Variants in CYP4B1 observed in about 807,000 individuals in gnomAD.
CYP4B1 encodes cytochrome P450 family 4 subfamily B member 1.
A neutral mutation model predicts 54.0 loss-of-function variants in CYP4B1; 45 were observed. That is an observed-to-expected ratio of 0.83 (90% CI 0.66 to 1.07). The LOEUF (loss-of-function observed/expected upper bound fraction) is 1.07. Ranked by LOEUF, CYP4B1 falls within the 50% of genes least tolerant of loss-of-function variation. The pLI, the probability that CYP4B1 is intolerant of heterozygous loss-of-function variation, is 0.00. For synonymous variants in CYP4B1, 248 were observed against 247.5 expected (o/e 1.00, Z -0.02); for missense variants, 656 against 655.4 (o/e 1.00, Z -0.01).
intron 1 of CYP4B1, among the ~76,000 whole-genome samples, chr1:46,806,063 C>G (rs990950376): frequency 6.6e-6 from 1 of 152,214 alleles, no homozygotes; most frequent in Non-Finnish European, 1.5e-5. Context: ...ACTTTAGCGA[C>G]TAAGAAGCCT....
chr1:46,817,144 G>A lies in CYP4B1; in HGVS notation c.1170G>A (p.Lys390=), dbSNP rs1281558256. The change falls in exon 9 of 12, where the codon AAG becomes AAA. Residue 390 remains lysine (K), a synonymous_variant. Coordinates refer to ENST00000371923, the MANE Select transcript of CYP4B1 (RefSeq NM_001099772.2). ...PVPQVYRQLS[K]PVTFVDGRSL... ...CCCAGGTGTACCGCCAGCTCAGCAA[G>A]CCTGTCACCTTTGTGGATGGCCGGT... The A allele has an allele frequency of 6.2e-7, 1 of 1,614,222 alleles. No individual in the cohort carries two copies. The highest frequency in any genetic ancestry group is 8.5e-7 in the Non-Finnish European group (1 of 1,180,032).
intron 3 of CYP4B1, among the ~76,000 whole-genome samples, chr1:46,811,579 T>A (rs1313442710): frequency 6.6e-6 from 1 of 152,074 alleles, no homozygotes; most frequent in Non-Finnish European, 1.5e-5. Flanking sequence ...GCTGTCGGGG[T>A]GGCTACAAGG....
At position 46,800,227 on chromosome 1, in the gene CYP4B1, T is replaced by C. The variant is rs112219419; in HGVS notation, c.180+966T>C. 1.2e-3 allele frequency among the ~76,000 whole-genome samples: 26 copies of C among 22,298 alleles called. No homozygotes were observed. In the East Asian group the frequency reaches 0.012, roughly 11 times the overall value. 14.6% of individuals were successfully genotyped at this position (22,298 alleles called of 152,430 possible). A position where few individuals can be genotyped will look rare whatever the true frequency, so the allele number is the denominator to read the frequency against. On this transcript the variant is annotated intron_variant, in intron 1 of 11. Transcript: ENST00000371923. ...TCTTTCTTTCTTTCTCTTTCTCTCT[T>C]TCTTTCTTTCTTTCCTTCCTTCCTT... is the stretch of plus-strand genomic sequence containing the variant.
intron 1 of CYP4B1, among the ~76,000 whole-genome samples, chr1:46,809,079 C>A (rs1678982412): frequency 6.6e-6 from 1 of 150,970 alleles, no homozygotes; most frequent in Non-Finnish European, 1.5e-5. Flanking sequence ...TGTAACTAAC[C>A]TGCACAATGT....
Position 46,812,638 on chromosome 1 carries a change from C to A in CYP4B1, c.495+15C>A. The stretch of plus-strand genomic sequence containing the variant: ...GTATCATGCTGGTGAGCTCCCTGTG[C>A]CAGAGTACTGGAGGCTGTTGCCTGC... On this transcript the variant is annotated intron_variant, in intron 4 of 11. Transcript: ENST00000371923. 1 of 1,611,878 alleles carries A rather than the reference C, an allele frequency of 6.2e-7. No homozygotes were observed. Among genetic ancestry groups the A allele is most frequent in the Non-Finnish European group, 8.5e-7 (1 of 1,178,702 alleles).
At chr1:46,807,638 G>A (rs1240532404) in intron 1 of CYP4B1, among the ~76,000 whole-genome samples, 1 of 152,202 alleles carries the variant, frequency 6.6e-6, no homozygotes, top group Non-Finnish European at 1.5e-5. Flanking sequence ...TTTTGACATC[G>A]TGTACTCAAG....
intron 4 of CYP4B1, 77 bp downstream of exon 4, chr1:46,812,700 G>C: frequency 6.5e-7 from 1 of 1,527,622 alleles, no homozygotes. Flanking sequence ...TTGTCCTGGG[G>C]AGAGTAGGTG....
At chr1:46,814,413 C>CCT (rs4646490) in intron 7 of CYP4B1, 98 bp downstream of exon 7, 262,676 of 835,080 alleles carry the variant, frequency 0.31, 48,245 homozygotes, top group African/African-American at 0.61. Flanking sequence ...AGCATTTCCC[C>CCT]CTTTCCTCAG....
At chr1:46,799,339 G>A in intron 1 of CYP4B1, 78 bp downstream of exon 1, 1 of 1,347,896 alleles carries the variant, frequency 7.4e-7, no homozygotes, top group Middle Eastern at 1.9e-4. Context: ...ATTCCCAGGG[G>A]GCTGTGGAGG....
rs773046536 is a variant in CYP4B1, at chr1:46,812,555, C to G, written c.427C>G (p.Pro143Ala). The change falls in exon 4 of 12, where the codon CCT becomes GCT. Residue 143 changes from proline to alanine, a missense_variant. Coordinates refer to ENST00000371923, the MANE Select transcript of CYP4B1 (RefSeq NM_001099772.2). ...KWLQHRKLLT[P>A]GFHYDVLKPY... Reference sequence around the variant, plus strand: ...GTTGCAGCACCGCAAGCTGCTCACACCTGGCTTTCATTATGATGTGCTGAA... The same window carrying G: ...GTTGCAGCACCGCAAGCTGCTCACAGCTGGCTTTCATTATGATGTGCTGAA... 1.2e-6 allele frequency: 2 copies of G among 1,614,074 alleles called. No homozygotes were observed. The highest frequency in any genetic ancestry group is 4.5e-5 in the East Asian group (2 of 44,878).
Position 46,813,560 on chromosome 1 carries a change from C to T in CYP4B1, c.574C>T (p.Leu192Phe). The change falls in exon 5 of 12, where the codon CTC becomes TTC. Residue 192 changes from leucine (L) to phenylalanine (F), a missense_variant. By Grantham distance (22) the Leu-to-Phe change is conservative. Coordinates refer to ENST00000371923, the MANE Select transcript of CYP4B1 (RefSeq NM_001099772.2). ...TGTGGGTCACATGGCGCTGAACACA[C>T]TCATGAAGTGCACCTTTGGAAGAGG... Reference protein sequence around the residue: ...CDVGHMALNTLMKCTFGRGDT... With the variant: ...CDVGHMALNTFMKCTFGRGDT... The T allele has an allele frequency of 6.2e-7, 1 of 1,614,208 alleles. No homozygotes were observed. Among genetic ancestry groups the T allele is most frequent in the Non-Finnish European group, 8.5e-7 (1 of 1,180,036 alleles).
intron 1 of CYP4B1, among the ~76,000 whole-genome samples, chr1:46,808,993 T>C (rs1678977862): frequency 3.2e-5 from 4 of 123,790 alleles, no homozygotes; most frequent in Admixed American, 3.2e-4. Context: ...GGGGGAGGGG[T>C]AGCATTGGGA....
Position 46,817,995 on chromosome 1 carries a change from T to A in CYP4B1, c.1238T>A (p.Leu413His). 6.2e-7 allele frequency: 1 copy of A among 1,614,190 alleles called. No individual in the cohort carries two copies. The highest frequency in any genetic ancestry group is 8.5e-7 in the Non-Finnish European group (1 of 1,180,008). ...CTGATCTCTATGCATATCTATGCCC[T>A]CCATAGGAACAGTGCTGTATGGCCC... Reference protein sequence around the residue: ...GSLISMHIYALHRNSAVWPDP... With the variant: ...GSLISMHIYAHHRNSAVWPDP... Residue 413 changes from leucine to histidine, a missense_variant, in exon 10 of 12, where the codon CTC becomes CAC. Transcript: ENST00000371923.
chr1:46,816,050 G>T (rs1319622197), intron 8 of CYP4B1, among the ~76,000 whole-genome samples: 1 of 152,194 alleles, frequency 6.6e-6, no homozygotes, highest in African/African-American at 2.4e-5. Context: ...CAGGGTCTAG[G>T]ACCTGGAGTA....
chr1:46,817,601 A>T (rs1482059839), intron 9 of CYP4B1, among the ~76,000 whole-genome samples: 1 of 152,200 alleles, frequency 6.6e-6, no homozygotes, highest in Non-Finnish European at 1.5e-5. Flanking sequence ...GCACCTGGTG[A>T]ATGATAGCTG....
intron 1 of CYP4B1, 94 bp from the exon 2 acceptor site, chr1:46,810,714 C>A: frequency 1.4e-6 from 2 of 1,401,440 alleles, no homozygotes; most frequent in Non-Finnish European, 2.0e-6. Context: ...CAGGGCCTGC[C>A]TGGGCAGCCT....
At position 46,813,533 on chromosome 1, in the gene CYP4B1, G is replaced by T; in HGVS notation, c.547G>T (p.Asp183Tyr). ...REGKSFDIFC[D>Y]VGHMALNTLM... is the part of the protein sequence containing the mutation. ...GGGTAAGTCCTTTGACATCTTCTGC[G>T]ATGTGGGTCACATGGCGCTGAACAC... The change falls in exon 5 of 12, where the codon GAT becomes TAT. Residue 183 changes from aspartate (D) to tyrosine (Y), a missense_variant. Coordinates refer to ENST00000371923, the MANE Select transcript of CYP4B1 (RefSeq NM_001099772.2). 1 of 1,614,210 alleles carries T rather than the reference G, an allele frequency of 6.2e-7. No homozygotes were observed. Among genetic ancestry groups the T allele is most frequent in the Non-Finnish European group, 8.5e-7 (1 of 1,180,010 alleles).
At position 46,819,383 on chromosome 1, in the gene CYP4B1, T is replaced by C. The variant is rs1679468167; in HGVS notation, c.*569T>C. On this transcript the variant is annotated 3_prime_UTR_variant, in exon 12 of 12. Transcript: ENST00000371923. ...TAACCATCACTGAAGTCAAGAAATA[T>C]GGAATATGGTATCACTGATGTGTCT... is the stretch of plus-strand genomic sequence containing the variant. 1 of 152,336 alleles carries C rather than the reference T, an allele frequency of 6.6e-6. No homozygotes were observed. Among genetic ancestry groups the C allele is most frequent in the Admixed American group, 6.5e-5 (1 of 15,292 alleles). The allele number at this position is 152,336 out of a possible 1,614,324, so 9.4% of individuals were successfully genotyped here.
chr1:46,802,685 C>T (rs1326599084), intron 1 of CYP4B1, among the ~76,000 whole-genome samples: 1 of 152,196 alleles, frequency 6.6e-6, no homozygotes, highest in Non-Finnish European at 1.5e-5. Flanking sequence ...TGGGTCTGGT[C>T]CTATGCTGAG....
Sources: allele counts gnomAD v4.1 joint callset (sites outside exome capture counted in the v4.1 genomes callset), GRCh38; gene constraint gnomAD v4.1.1; transcripts MANE v1.5; gene names NCBI Gene and HGNC (gene_info 2026-07-23, HGNC 2026-07-21).